The following SMARCA4 variants were observed in gnomAD, a reference collection of about 807,000 sequenced individuals.
SMARCA4 encodes SWI/SNF related BAF chromatin remodeling complex subunit ATPase 4.
In SMARCA4, 31 loss-of-function variants were observed where a neutral mutation model predicts 193.9. That is an observed-to-expected ratio of 0.16 (90% CI 0.12 to 0.22). The LOEUF is 0.22. Ranked by LOEUF, SMARCA4 falls within the 10% of genes least tolerant of loss-of-function variation. SMARCA4 has a pLI of 1.00. For synonymous variants in SMARCA4, 942 were observed against 933.1 expected (o/e 1.01, Z -0.17); for missense variants, 1,148 against 2,296.0 (o/e 0.50, Z 10.22).
intron 29 of SMARCA4, 82 bp downstream of exon 29, chr19:11,035,214 C>A: frequency 7.6e-7 from 1 of 1,316,500 alleles, no homozygotes; most frequent in Non-Finnish European, 1.1e-6. Flanking sequence ...CGCCAGGACT[C>A]AGGCCTGGGT....
At chr19:11,023,367 A>G (rs2090010712) in intron 19 of SMARCA4, 151 bp from the exon 20 acceptor site, 1 of 663,014 alleles carries the variant, frequency 1.5e-6, no homozygotes. Flanking sequence ...GCTCCCAGAA[A>G]GCATAAAGCA....
chr19:11,060,390 C>T lies in SMARCA4; in HGVS notation c.4911+203C>T, dbSNP rs559299400. The T allele has an allele frequency of 1.6e-4, 108 of 662,152 alleles. No individual in the cohort carries two copies. In the Middle Eastern group the frequency reaches 1.7e-3, roughly 10 times the overall value. 41.0% of individuals were successfully genotyped at this position (662,152 alleles called of 1,614,324 possible). The stretch of plus-strand genomic sequence containing the variant: ...ACTCAAAGCCAAGCCTGTGTGACCC[C>T]GGAACCAGCTCTCAGTACCCGTGGG... On this transcript the variant is annotated intron_variant, in intron 34 of 34. Transcript: ENST00000344626.
intron 14 of SMARCA4, chr19:11,008,269 C>G: frequency 2.3e-6 from 1 of 442,134 alleles, no homozygotes; most frequent in South Asian, 1.9e-5. Flanking sequence ...CGGGAGAAGC[C>G]CTCCTCACCC....
Position 11,034,851 on chromosome 19 carries a change from G to A in SMARCA4, c.3952-63G>A. On this transcript the variant is annotated intron_variant, in intron 28 of 34. Transcript: ENST00000344626. This position sits in a 1 kb window ranked among gnomAD's most constrained non-coding sequence, Gnocchi z 7.0. ...GGCCCTTCTGAACTCTCGGTGTTCT[G>A]GCTCTAGCGTGCCCCTGGTGCCTGC... is the stretch of plus-strand genomic sequence containing the variant. 9.3e-7 allele frequency: 1 copy of A among 1,076,560 alleles called. No individual in the cohort carries two copies. The highest frequency in any genetic ancestry group is 2.6e-5 in the East Asian group (1 of 38,798). The allele number at this position is 1,076,560 out of a possible 1,614,324, so 66.7% of individuals were successfully genotyped here. A position where few individuals can be genotyped will look rare whatever the true frequency, so the allele number is the denominator to read the frequency against.
chr19:11,013,461 T>A (rs979745435), intron 16 of SMARCA4, among the ~76,000 whole-genome samples: 10 of 152,250 alleles, frequency 6.6e-5, no homozygotes, highest in African/African-American at 2.4e-4. Flanking sequence ...ATTGGCCCTG[T>A]CTCCAGGTAC....
chr19:10,994,698 A>G lies in SMARCA4; in HGVS notation c.1420-130A>G, dbSNP rs905211461. ...ATGATCTCGATCTCCTGACCTCGTG[A>G]TCTGCCCTCCTCTGCCTCCCAAAGC... On this transcript the variant is annotated intron_variant, in intron 8 of 34. Coordinates refer to ENST00000344626, the MANE Select transcript of SMARCA4 (RefSeq NM_003072.5). The G allele has an allele frequency of 3.0e-5, 23 of 765,096 alleles. No individual in the cohort carries two copies. The African/African-American group carries it at 3.9e-4, about 13-fold the overall frequency. The allele number at this position is 765,096 out of a possible 1,614,324, so 47.4% of individuals were successfully genotyped here. A position where few individuals can be genotyped will look rare whatever the true frequency, so the allele number is the denominator to read the frequency against.
Position 11,034,339 on chromosome 19 carries a change from C to A in SMARCA4, c.3951+139C>A, listed in dbSNP as rs1489434453. Reference sequence around the variant, plus strand: ...GACAGCTCACAGTGCAGCCCACTCCCACCTCCAGACTGACCCGTCTTCCAC... The same window carrying A: ...GACAGCTCACAGTGCAGCCCACTCCAACCTCCAGACTGACCCGTCTTCCAC... On this transcript the variant is annotated intron_variant, in intron 28 of 34. Coordinates refer to ENST00000344626, the MANE Select transcript of SMARCA4 (RefSeq NM_003072.5). The surrounding 1 kb of genome is among the most constrained non-coding windows in gnomAD (Gnocchi z 7.0). 6.8e-6 allele frequency: 5 copies of A among 732,252 alleles called. No individual in the cohort carries two copies. The highest frequency in any genetic ancestry group is 1.2e-5 in the Non-Finnish European group (5 of 408,422). 45.4% of individuals were successfully genotyped at this position (732,252 alleles called of 1,614,324 possible). A position where few individuals can be genotyped will look rare whatever the true frequency, so the allele number is the denominator to read the frequency against.
At chr19:11,043,290 A>G (rs2075724489) in intron 30 of SMARCA4, among the ~76,000 whole-genome samples, 1 of 152,154 alleles carries the variant, frequency 6.6e-6, no homozygotes, top group Non-Finnish European at 1.5e-5. Context: ...CTCCGTCTCA[A>G]AAAGAGAAAA....
Position 10,986,712 on chromosome 19 carries a change from C to T in SMARCA4, c.760+119C>T. ...GTTCCCCGGTTTGGGATTGCACGGGCCCATACTGCACTTCTGGGTGCTCGG... is the reference window on the plus strand; with the variant it reads ...GTTCCCCGGTTTGGGATTGCACGGGTCCATACTGCACTTCTGGGTGCTCGG... On this transcript the variant is annotated intron_variant, in intron 4 of 34. Transcript: ENST00000344626. This position sits in a 1 kb window ranked among gnomAD's most constrained non-coding sequence, Gnocchi z 6.7. The T allele has an allele frequency of 7.0e-7, 1 of 1,429,864 alleles. No homozygotes were observed. The highest frequency in any genetic ancestry group is 9.5e-7 in the Non-Finnish European group (1 of 1,054,718). The allele number at this position is 1,429,864 out of a possible 1,614,324, so 88.6% of individuals were successfully genotyped here.
In SMARCA4 at chr19:11,035,048, G is replaced by A. The variant is rs773437442; in HGVS notation, c.4086G>A (p.Glu1362=). The A allele has an allele frequency of 1.2e-6, 2 of 1,613,054 alleles. No homozygotes were observed. Among genetic ancestry groups the A allele is most frequent in the South Asian group, 1.1e-5 (1 of 91,054 alleles). Residue 1362 remains glutamate (E), a synonymous_variant, in exon 29 of 35, where the codon GAG becomes GAA. Transcript: ENST00000344626. The part of the protein sequence containing the change: ...AEVERLTCEE[E]EEKMFGRGSR... The stretch of plus-strand genomic sequence containing the variant: ...TGGAGCGGCTGACCTGTGAGGAGGA[G>A]GAGGAGAAGATGTTCGGCCGTGGCT...
intron 1 of SMARCA4, among the ~76,000 whole-genome samples, chr19:10,981,401 A>G (rs1225244429): frequency 6.6e-6 from 1 of 152,272 alleles, no homozygotes; most frequent in African/African-American, 2.4e-5. Flanking sequence ...CTGTTGTCAC[A>G]TGGCAGAGGC....
intron 30 of SMARCA4, among the ~76,000 whole-genome samples, chr19:11,048,708 A>G (rs1291407374): frequency 2.0e-5 from 3 of 152,198 alleles, no homozygotes; most frequent in African/African-American, 7.2e-5. Context: ...AGAGGCAGGG[A>G]CGCCCTTCCT....
At position 10,986,349 on chromosome 19, in the gene SMARCA4, T is replaced by C. The variant is rs779826971; in HGVS notation, c.516T>C (p.Phe172=). 6 of 1,612,748 alleles carry C rather than the reference T, an allele frequency of 3.7e-6. No homozygotes were observed. The highest frequency in any genetic ancestry group is 5.1e-6 in the Non-Finnish European group (6 of 1,179,650). The stretch of plus-strand genomic sequence containing the variant: ...AGCAGAACCGGGGCCCAACCCCATT[T>C]AACCAGAACCAGCTGCACCAGCTCA... ...LGQQNRGPTP[F]NQNQLHQLRA... The change falls in exon 4 of 35, where the codon TTT becomes TTC. Residue 172 remains phenylalanine, a synonymous_variant. Coordinates refer to ENST00000344626, the MANE Select transcript of SMARCA4 (RefSeq NM_003072.5). The surrounding 1 kb of genome is among the most constrained non-coding windows in gnomAD (Gnocchi z 6.7).
intron 32 of SMARCA4, chr19:11,059,260 C>T: frequency 3.3e-6 from 1 of 303,154 alleles, no homozygotes; most frequent in Non-Finnish European, 6.3e-6. Flanking sequence ...TTTTAAATTC[C>T]CTGGGGCACA....
chr19:10,966,495 C>T (rs2084229543), intron 1 of SMARCA4, among the ~76,000 whole-genome samples: 3 of 151,762 alleles, frequency 2.0e-5, no homozygotes, highest in South Asian at 2.1e-4. Context: ...GGGAGGTTGA[C>T]GTGGGAGGAT....
At position 11,023,515 on chromosome 19, in the gene SMARCA4, C is replaced by T. The variant is rs757292816; in HGVS notation, c.2860-3C>T. 1.9e-6 allele frequency: 3 copies of T among 1,596,670 alleles called. No homozygotes were observed. The highest frequency in any genetic ancestry group is 1.7e-5 in the Admixed American group (1 of 59,808). Reference sequence around the variant, plus strand: ...TTGCTTCTCCTGTCTTGGGGGCTTCCAGGTGGACCTGAATGAGGAGGAAAC... The same window carrying T: ...TTGCTTCTCCTGTCTTGGGGGCTTCTAGGTGGACCTGAATGAGGAGGAAAC... On this transcript the variant is annotated splice_polypyrimidine_tract_variant and splice_region_variant and intron_variant, in intron 19 of 34. Transcript: ENST00000344626.
chr19:11,039,768 G>T, intron 29 of SMARCA4: 1 of 363,588 alleles, frequency 2.8e-6, no homozygotes, highest in Non-Finnish European at 4.9e-6. Context: ...GGGCAATGTA[G>T]CAAGACCACA....
intron 14 of SMARCA4, among the ~76,000 whole-genome samples, chr19:11,009,257 T>C (rs1478037712): frequency 6.6e-6 from 1 of 151,750 alleles, no homozygotes; most frequent in African/African-American, 2.4e-5. Flanking sequence ...CTTGACCTCA[T>C]GATCTACCCA....
chr19:11,001,662 T>C (rs1174566030), intron 11 of SMARCA4, among the ~76,000 whole-genome samples: 1 of 147,162 alleles, frequency 6.8e-6, no homozygotes, highest in East Asian at 2.0e-4. Context: ...GTTGCTCTTA[T>C]GGTGGCCGCT....
Sources: allele counts gnomAD v4.1 joint callset (sites outside exome capture counted in the v4.1 genomes callset), GRCh38; gene constraint gnomAD v4.1.1; non-coding constraint Gnocchi (gnomAD v3.1); transcripts MANE v1.5; gene names NCBI Gene and HGNC (gene_info 2026-07-23, HGNC 2026-07-21).